The following FHOD3 variants were observed in gnomAD, a reference collection of about 807,000 sequenced individuals.
FHOD3 encodes FH1/FH2 domain-containing protein 3.
A neutral mutation model predicts 173.0 loss-of-function variants in FHOD3; 90 were observed. The ratio of observed to expected loss-of-function variants is 0.52; its 90% CI spans 0.44 to 0.62. FHOD3 has a LOEUF of 0.62. Among genes scored for constraint, FHOD3 ranks in the 20% least tolerant of loss-of-function variants. The pLI, the probability that FHOD3 is intolerant of heterozygous loss-of-function variation, is 0.00. For missense variants in FHOD3, 1,945 were observed against 2,034.7 expected, an observed-to-expected ratio of 0.96 and a Z score of 0.85; for synonymous variants, 828 against 823.0, an observed-to-expected ratio of 1.01 and a Z score of -0.10.
At chr18:36,501,221 T>C (rs2055016430) in intron 3 of FHOD3, among the ~76,000 whole-genome samples, 1 of 152,232 alleles carries the variant, frequency 6.6e-6, no homozygotes, top group Non-Finnish European at 1.5e-5. Flanking sequence ...TTCATCTGCC[T>C]TGCCCATGGC....
intron 17 of FHOD3, among the ~76,000 whole-genome samples, chr18:36,699,109 G>T (rs1458526928): frequency 6.6e-6 from 1 of 152,200 alleles, no homozygotes; most frequent in Non-Finnish European, 1.5e-5. Context: ...AGATAGTGCA[G>T]AAAAGACTAT....
At chr18:36,763,605 TATA>T (rs2043014155) in intron 27 of FHOD3, among the ~76,000 whole-genome samples, 1 of 148,322 alleles carries the variant, frequency 6.7e-6, no homozygotes, top group Admixed American at 6.8e-5. Flanking sequence ...ACACGTTATA[TATA>T]ATATGTGTAT....
At chr18:36,497,137 G>T (rs1247667294) in intron 3 of FHOD3, among the ~76,000 whole-genome samples, 2 of 152,088 alleles carry the variant, frequency 1.3e-5, no homozygotes, top group Non-Finnish European at 2.9e-5. Context: ...ACTCAGTTTT[G>T]TTTGAAATAG....
intron 3 of FHOD3, among the ~76,000 whole-genome samples, chr18:36,433,257 G>A (rs1445241332): frequency 2.6e-5 from 4 of 152,190 alleles, no homozygotes; most frequent in African/African-American, 9.7e-5. Flanking sequence ...CAGCAGAGAA[G>A]GGAGTCTTGG....
intron 14 of FHOD3, among the ~76,000 whole-genome samples, chr18:36,662,198 G>T (rs764307833): frequency 3.2e-4 from 48 of 152,306 alleles, no homozygotes; most frequent in Non-Finnish European, 5.7e-4. Context: ...TCTCCATCTT[G>T]TGGACTTTCT....
chr18:36,561,669 C>T (rs1568429189), intron 5 of FHOD3, among the ~76,000 whole-genome samples: 3 of 152,124 alleles, frequency 2.0e-5, no homozygotes, highest in South Asian at 2.1e-4. Flanking sequence ...AAAATGTTTT[C>T]ATCACCCCAA....
intron 3 of FHOD3, among the ~76,000 whole-genome samples, chr18:36,375,906 T>TA (rs2146170020): frequency 6.6e-6 from 1 of 152,390 alleles, no homozygotes; most frequent in East Asian, 1.9e-4. Context: ...GACCACTTGA[T>TA]ATTGCAGCGA....
intron 5 of FHOD3, among the ~76,000 whole-genome samples, chr18:36,554,654 G>T (rs973338363): frequency 1.3e-5 from 2 of 152,060 alleles, no homozygotes; most frequent in Non-Finnish European, 2.9e-5. Flanking sequence ...AAAAGAATTG[G>T]TATTATTTCA....
intron 9 of FHOD3, among the ~76,000 whole-genome samples, chr18:36,622,824 C>T (rs1022897532): frequency 6.6e-6 from 1 of 152,202 alleles, no homozygotes; most frequent in Non-Finnish European, 1.5e-5. Flanking sequence ...TTTGGAAATG[C>T]CACCGTAGCC....
intron 3 of FHOD3, among the ~76,000 whole-genome samples, chr18:36,419,657 G>A (rs1316236861): frequency 6.6e-6 from 1 of 152,192 alleles, no homozygotes; most frequent in Non-Finnish European, 1.5e-5. Flanking sequence ...ACTAACCCAT[G>A]CTCTTTTAAG....
intron 1 of FHOD3, among the ~76,000 whole-genome samples, chr18:36,335,459 C>T (rs2045259260): frequency 6.7e-6 from 1 of 149,754 alleles, no homozygotes; most frequent in Non-Finnish European, 1.5e-5. Flanking sequence ...CGCGCCACTG[C>T]ACTCCAGCCT....
At chr18:36,557,529 T>C (rs2147534488) in intron 5 of FHOD3, among the ~76,000 whole-genome samples, 1 of 152,306 alleles carries the variant, frequency 6.6e-6, no homozygotes, top group Non-Finnish European at 1.5e-5. Flanking sequence ...CTTAACTTTT[T>C]GAATATACAG....
intron 2 of FHOD3, among the ~76,000 whole-genome samples, chr18:36,358,356 A>G (rs867671971): frequency 2.0e-5 from 3 of 152,332 alleles, no homozygotes; most frequent in Middle Eastern, 3.4e-3. Context: ...ACTACAGTTC[A>G]CCTGGGCGAC....
At chr18:36,411,875 C>T (rs1486504954) in intron 3 of FHOD3, among the ~76,000 whole-genome samples, 1 of 152,214 alleles carries the variant, frequency 6.6e-6, no homozygotes, top group Non-Finnish European at 1.5e-5. Context: ...TTGACCTGCC[C>T]ACTGGCTTTT....
intron 20 of FHOD3, among the ~76,000 whole-genome samples, chr18:36,733,890 T>TGAGCCAGA (rs2041499693): frequency 6.6e-6 from 1 of 152,162 alleles, no homozygotes; most frequent in African/African-American, 2.4e-5. Context: ...CCCAAGCCAG[T>TGAGCCAGA]GAGCCAGAGA....
At chr18:36,576,843 C>A (rs900632151) in intron 6 of FHOD3, among the ~76,000 whole-genome samples, 1 of 152,278 alleles carries the variant, frequency 6.6e-6, no homozygotes, top group African/African-American at 2.4e-5. Context: ...TGGCTCACAC[C>A]GGTAATCCCA....
At chr18:36,571,034 A>G (rs1029086892) in intron 5 of FHOD3, among the ~76,000 whole-genome samples, 14 of 152,164 alleles carry the variant, frequency 9.2e-5, no homozygotes, top group African/African-American at 3.4e-4. Context: ...TAGGGATGGG[A>G]AGAGGGATAT....
intron 1 of FHOD3, among the ~76,000 whole-genome samples, chr18:36,299,299 C>A (rs2091894957): frequency 6.6e-6 from 1 of 152,166 alleles, no homozygotes; most frequent in East Asian, 1.9e-4. Flanking sequence ...CACAAAAGCA[C>A]ATTTGATTGG....
chr18:36,350,684 C>T (rs536815927), intron 1 of FHOD3, among the ~76,000 whole-genome samples: 24 of 152,148 alleles, frequency 1.6e-4, no homozygotes, highest in Non-Finnish European at 2.9e-4. Context: ...TGAGATTCCC[C>T]GGTGGGGACT....
Sources: allele counts gnomAD v4.1 joint callset (sites outside exome capture counted in the v4.1 genomes callset), GRCh38; gene constraint gnomAD v4.1.1; transcripts MANE v1.5; gene names NCBI Gene and HGNC (gene_info 2026-07-23, HGNC 2026-07-21).